CELF2: variants seen among roughly 807,000 people sequenced by gnomAD.
CELF2 encodes the protein CUG triplet repeat RNA-binding protein 2.
In CELF2, 8 loss-of-function variants were observed where a neutral mutation model predicts 62.6. That is an observed-to-expected ratio of 0.13 (90% CI 0.07 to 0.23). The LOEUF (loss-of-function observed/expected upper bound fraction) is 0.23. Ranked by LOEUF, CELF2 falls within the 10% of genes least tolerant of loss-of-function variation. The probability of loss-of-function intolerance (pLI) is 1.00; values close to 1 mark genes in which losing one functional copy is unlikely to be tolerated. For missense variants in CELF2, 333 were observed against 671.0 expected (o/e 0.50, Z 5.56); for synonymous variants, 258 against 250.0 (o/e 1.03, Z -0.30).
chr10:11,264,954 A>C (rs2081767310), intron 5 of CELF2, among the ~76,000 whole-genome samples: 2 of 152,194 alleles, frequency 1.3e-5, no homozygotes, highest in African/African-American at 4.8e-5. Flanking sequence ...TCATGTACTG[A>C]GAGTTTTTGT....
the CELF2 span, among the ~76,000 whole-genome samples, chr10:10,684,202 G>A: frequency 6.6e-6 from 1 of 152,070 alleles, no homozygotes; most frequent in Non-Finnish European, 1.5e-5. Flanking sequence ...GGAGTAATGG[G>A]GCCTTCACAA....
chr10:11,275,161 G>C (rs369951724), intron 8 of CELF2, 41 bp downstream of exon 8: 1 of 1,602,470 alleles, frequency 6.2e-7, no homozygotes, highest in Non-Finnish European at 8.6e-7. Flanking sequence ...CCGTGCTATT[G>C]TCAGAATTTG....
intron 1 of CELF2, among the ~76,000 whole-genome samples, chr10:10,830,452 A>T (rs2057756999): frequency 6.6e-6 from 1 of 152,172 alleles, no homozygotes; most frequent in South Asian, 2.1e-4. Flanking sequence ...AATATAACAT[A>T]GTTCGTATAA....
intron 1 of CELF2, among the ~76,000 whole-genome samples, chr10:11,051,194 A>C (rs1413581894): frequency 6.6e-6 from 1 of 152,162 alleles, no homozygotes; most frequent in African/African-American, 2.4e-5. Flanking sequence ...TAGAAAGATA[A>C]CCTTTCTTGA....
At position 11,251,501 on chromosome 10, in the gene CELF2, G is replaced by C. The variant is rs2077138056; in HGVS notation, c.403+2300G>C. Among the ~76,000 whole-genome samples, 6 of 151,996 alleles carry C rather than the reference G, an allele frequency of 3.9e-5. No homozygotes were observed. The South Asian group carries it at 1.2e-3, about 32-fold the overall frequency. ...AATGTTGCATGATCACAGAAGCCAA[G>C]GAGGACCGGGCACCGTTATTTCTAG... On this transcript the variant is annotated intron_variant, in intron 4 of 12. Coordinates refer to ENST00000633077, the MANE Select transcript of CELF2 (RefSeq NM_001326342.2).
intron 1 of CELF2, among the ~76,000 whole-genome samples, chr10:10,802,624 G>T (rs2054788454): frequency 6.6e-6 from 1 of 152,188 alleles, no homozygotes. Flanking sequence ...CTTTACCCAT[G>T]CATAAGCCCT....
intron 2 of CELF2, among the ~76,000 whole-genome samples, chr10:11,172,905 AAGG>A (rs1432548338): frequency 5.9e-5 from 9 of 152,240 alleles, no homozygotes; most frequent in Non-Finnish European, 2.9e-5. Context: ...CGCTGGATGA[AAGG>A]AGAACAGACT....
At chr10:11,215,915 G>A (rs2063244751) in intron 2 of CELF2, among the ~76,000 whole-genome samples, 1 of 152,188 alleles carries the variant, frequency 6.6e-6, no homozygotes, top group African/African-American at 2.4e-5. Context: ...GAACTCACCA[G>A]TGAAGTTGAT....
At chr10:10,619,300 T>A in the CELF2 span, among the ~76,000 whole-genome samples, 2 of 152,344 alleles carry the variant, frequency 1.3e-5, no homozygotes, top group African/African-American at 4.8e-5. Context: ...TAATTTCTTT[T>A]TAGCTCCTGT....
intron 1 of CELF2, among the ~76,000 whole-genome samples, chr10:11,085,281 C>T (rs1279867023): frequency 6.6e-6 from 1 of 152,142 alleles, no homozygotes; most frequent in Non-Finnish European, 1.5e-5. Flanking sequence ...TGGTCAGCAG[C>T]ACATCATTGT....
the CELF2 span, among the ~76,000 whole-genome samples, chr10:10,535,472 C>A: frequency 6.6e-6 from 1 of 152,188 alleles, no homozygotes; most frequent in East Asian, 1.9e-4. Context: ...GTAATCCCAG[C>A]ACTTTGGGAG....
At chr10:11,274,839 G>T (rs547748696) in intron 7 of CELF2, among the ~76,000 whole-genome samples, 1 of 46,560 alleles carries the variant, frequency 2.1e-5, no homozygotes, top group African/African-American at 3.4e-5. Flanking sequence ...ATTGTTTTAA[G>T]GCAGCAGTGT....
At chr10:10,848,786 CAACCATCTAGAA>C (rs1325282417) in intron 1 of CELF2, among the ~76,000 whole-genome samples, 1 of 152,142 alleles carries the variant, frequency 6.6e-6, no homozygotes, top group Admixed American at 6.5e-5. Context: ...AGAGTTTCTT[CAACCATCTAGAA>C]AACGGAGATT....
At chr10:10,581,002 A>T in the CELF2 span, among the ~76,000 whole-genome samples, 1 of 152,196 alleles carries the variant, frequency 6.6e-6, no homozygotes, top group Non-Finnish European at 1.5e-5. Context: ...ATCTATTTGG[A>T]TCACAATTCC....
the CELF2 span, among the ~76,000 whole-genome samples, chr10:10,686,713 T>A: frequency 6.6e-6 from 1 of 152,126 alleles, no homozygotes; most frequent in Non-Finnish European, 1.5e-5. Context: ...TGATCGTGAG[T>A]TGCCTGAGGC....
the CELF2 span, among the ~76,000 whole-genome samples, chr10:10,588,757 C>G: frequency 6.6e-6 from 1 of 152,186 alleles, no homozygotes; most frequent in Non-Finnish European, 1.5e-5. Flanking sequence ...ATTAATTGAA[C>G]AATGAACCCT....
chr10:10,675,941 TC>T, the CELF2 span, among the ~76,000 whole-genome samples: 1 of 152,212 alleles, frequency 6.6e-6, no homozygotes. Context: ...AATTCCAACT[TC>T]CCAGTATGTT....
chr10:10,883,687 G>A (rs1047077627), intron 1 of CELF2, among the ~76,000 whole-genome samples: 1 of 152,178 alleles, frequency 6.6e-6, no homozygotes, highest in Non-Finnish European at 1.5e-5. Context: ...GCGGAGTCCT[G>A]TGGTAGTGAG....
At chr10:11,252,583 C>T (rs2765981) in intron 4 of CELF2, among the ~76,000 whole-genome samples, 52,048 of 152,130 alleles carry the variant, frequency 0.34, 9,687 homozygotes, top group African/African-American at 0.48. Flanking sequence ...AGCCCCGAAA[C>T]GTTAGGTTGC....
Sources: allele counts gnomAD v4.1 joint callset (sites outside exome capture counted in the v4.1 genomes callset), GRCh38; gene constraint gnomAD v4.1.1; transcripts MANE v1.5; gene names NCBI Gene and HGNC (gene_info 2026-07-23, HGNC 2026-07-21).